The following KANSL1 variants were observed in gnomAD, a reference collection of about 807,000 sequenced individuals.
The protein encoded by KANSL1 is MLL1/MLL complex subunit KANSL1.
In KANSL1, 22 loss-of-function variants were observed where a neutral mutation model predicts 103.6. The observed-to-expected ratio is 0.21, with a 90% confidence interval of 0.15 to 0.30. The LOEUF (loss-of-function observed/expected upper bound fraction) is 0.30, where lower values mean the gene tolerates loss of function less well. Among genes scored for constraint, KANSL1 ranks in the 10% least tolerant of loss-of-function variants. The probability of loss-of-function intolerance (pLI) is 1.00; values close to 1 mark genes in which losing one functional copy is unlikely to be tolerated. For missense variants in KANSL1, 1,337 were observed against 1,399.8 expected (o/e 0.96, Z 0.72); for synonymous variants, 600 against 527.6 (o/e 1.14, Z -1.88).
At chr17:46,118,258 G>A (rs533277501) in intron 2 of KANSL1, among the ~76,000 whole-genome samples, 1 of 152,326 alleles carries the variant, frequency 6.6e-6, no homozygotes, top group Non-Finnish European at 1.5e-5. Context: ...AAAAAATTCA[G>A]TAAGTTGCCA....
chr17:46,072,972 T>TC (rs1411020732), intron 4 of KANSL1, among the ~76,000 whole-genome samples: 1 of 152,252 alleles, frequency 6.6e-6, no homozygotes, highest in Non-Finnish European at 1.5e-5. Context: ...AACTTATTTA[T>TC]CCATAGCCCA....
intron 6 of KANSL1, among the ~76,000 whole-genome samples, chr17:46,065,756 G>T (rs1478931402): frequency 6.6e-6 from 1 of 152,188 alleles, no homozygotes; most frequent in Non-Finnish European, 1.5e-5. Flanking sequence ...AAAGGCAACT[G>T]CTATTTGAAG....
At chr17:46,135,649 A>G (rs56373114) in intron 2 of KANSL1, among the ~76,000 whole-genome samples, 20,541 of 142,924 alleles carry the variant, frequency 0.14, 1,666 homozygotes, top group East Asian at 0.47. Flanking sequence ...GGCTCAAGCG[A>G]GCCTCCCAAG....
chr17:46,139,479 C>T (rs1472671206), intron 2 of KANSL1, among the ~76,000 whole-genome samples: 1 of 152,184 alleles, frequency 6.6e-6, no homozygotes, highest in Non-Finnish European at 1.5e-5. Flanking sequence ...CCACTACTCA[C>T]CCATCTAAAT....
At chr17:46,084,312 G>T (rs1212616514) in intron 3 of KANSL1, among the ~76,000 whole-genome samples, 1 of 152,054 alleles carries the variant, frequency 6.6e-6, no homozygotes, top group Admixed American at 6.6e-5. Flanking sequence ...AACTCAGGAG[G>T]CAGAGGTTGC....
chr17:46,138,575 G>C (rs1369323994), intron 2 of KANSL1, among the ~76,000 whole-genome samples: 1 of 152,228 alleles, frequency 6.6e-6, no homozygotes, highest in African/African-American at 2.4e-5. Flanking sequence ...AAGGATAACT[G>C]TATAATGCAA....
chr17:46,198,422 T>TTAAAAAAAAAAA (rs1567797004), upstream of KANSL1, among the ~76,000 whole-genome samples: 1 of 96,118 alleles, frequency 1.0e-5, no homozygotes, highest in Admixed American at 1.1e-4. Flanking sequence ...CTACTTTAAT[T>TTAAAAAAAAAAA]AAAAAAAAAA....
At chr17:46,091,991 G>A (rs530916983) in intron 3 of KANSL1, among the ~76,000 whole-genome samples, 1 of 152,158 alleles carries the variant, frequency 6.6e-6, no homozygotes, top group East Asian at 1.9e-4. Flanking sequence ...TAATTTTTTT[G>A]TATTTTTCAT....
chr17:46,150,146 C>T (rs899845635), intron 2 of KANSL1, among the ~76,000 whole-genome samples: 1 of 150,216 alleles, frequency 6.7e-6, no homozygotes, highest in African/African-American at 2.5e-5. Context: ...CTTCATTAAC[C>T]TTGGTCATTT....
At chr17:46,039,617 T>C in intron 8 of KANSL1, 85 bp downstream of exon 8, 1 of 1,449,930 alleles carries the variant, frequency 6.9e-7, no homozygotes, top group African/African-American at 1.4e-5. Flanking sequence ...AACCCCAACA[T>C]GCATGCAAAC....
At chr17:46,082,709 C>T (rs373090085) in intron 3 of KANSL1, among the ~76,000 whole-genome samples, 167 bp from the exon 4 acceptor site, 57 of 152,210 alleles carry the variant, frequency 3.7e-4, no homozygotes, top group African/African-American at 1.2e-3. Flanking sequence ...TCCCAAAGAG[C>T]TATTTCAACA....
chr17:46,171,272 T>C lies in KANSL1; in HGVS notation c.872A>G (p.Gln291Arg). The part of the protein sequence containing the change: ...DTRITALLRR[Q>R]ADIESRARRL... ...GCGGGCACGGCTCTCAATGTCAGCC[T>C]GTCGCCGCAGTAAAGCTGTTATCCT... Residue 291 changes from glutamine to arginine, a missense_variant, in exon 2 of 15, where the codon CAG (glutamine) becomes CGG (arginine). By Grantham distance (43) the Gln-to-Arg change is conservative. Coordinates refer to ENST00000432791, the MANE Select transcript of KANSL1 (RefSeq NM_015443.4). 6.2e-7 allele frequency: 1 copy of C among 1,614,158 alleles called. No individual in the cohort carries two copies. Among genetic ancestry groups the C allele is most frequent in the South Asian group, 1.1e-5 (1 of 91,084 alleles).
At chr17:46,053,390 TTTAAA>T (rs1276753648) in intron 6 of KANSL1, among the ~76,000 whole-genome samples, 1 of 152,168 alleles carries the variant, frequency 6.6e-6, no homozygotes, top group Non-Finnish European at 1.5e-5. Context: ...TAATCTCACT[TTTAAA>T]TTAAAAACTG....
intron 2 of KANSL1, among the ~76,000 whole-genome samples, chr17:46,118,753 G>A (rs970475047): frequency 3.9e-5 from 6 of 152,214 alleles, no homozygotes; most frequent in African/African-American, 7.2e-5. Flanking sequence ...GGGAGGCAAG[G>A]AAGAGTAGAA....
chr17:46,036,360 A>C lies in KANSL1; in HGVS notation c.2542-2075T>G, dbSNP rs185016290. ...CAGTGTCCTCTGGCTTCTTTACTTGATTTCAAGGAGAGCTGGCCCTTTGTA... is the reference window on the plus strand; with the variant it reads ...CAGTGTCCTCTGGCTTCTTTACTTGCTTTCAAGGAGAGCTGGCCCTTTGTA... On this transcript the variant is annotated intron_variant, in intron 10 of 14. Transcript: ENST00000432791. Among the ~76,000 whole-genome samples, 554 of 152,262 alleles carry C rather than the reference A, an allele frequency of 3.6e-3. 14 individuals are homozygous for C. Among genetic ancestry groups the C allele is most frequent in the Non-Finnish European group, 1.0e-3 (70 of 68,022 alleles).
intron 6 of KANSL1, among the ~76,000 whole-genome samples, 182 bp from the exon 7 acceptor site, chr17:46,050,886 G>C (rs927369005): frequency 1.3e-5 from 2 of 152,174 alleles, no homozygotes; most frequent in African/African-American, 4.8e-5. Context: ...ATTTCCATTT[G>C]TCTAACACAC....
At position 46,089,398 on chromosome 17, in the gene KANSL1, C is replaced by CTTTT. The variant is rs377351806; in HGVS notation, c.1431+5158_1431+5161dup. Among the ~76,000 whole-genome samples, 84 of 145,380 alleles carry CTTTT rather than the reference C, an allele frequency of 5.8e-4. 1 individual carries two copies. The highest frequency in any genetic ancestry group is 1.4e-3 in the African/African-American group (56 of 39,382). Reference sequence around the variant, plus strand: ...AATCACCTAGCAGTAGTCACAAATACTTTTTTTTTTTTTGGTAATACGCCA... The same window carrying CTTTT: ...AATCACCTAGCAGTAGTCACAAATACTTTTTTTTTTTTTTTTTGGTAATACGCCA... On this transcript the variant is annotated intron_variant, in intron 3 of 14. Transcript: ENST00000432791.
intron 2 of KANSL1, among the ~76,000 whole-genome samples, chr17:46,106,139 T>C (rs1457624697): frequency 2.0e-5 from 3 of 152,216 alleles, no homozygotes; most frequent in Non-Finnish European, 4.4e-5. Context: ...ATACGGTTTA[T>C]TGGAAAAGAG....
chr17:46,143,803 CAAAAAAAAAAAAA>C lies in KANSL1; in HGVS notation c.1289+27039_1289+27051del, dbSNP rs57361021. 7.0e-5 allele frequency among the ~76,000 whole-genome samples: 6 copies of C among 85,534 alleles called. No individual in the cohort carries two copies. In the East Asian group the frequency reaches 1.4e-3, roughly 20 times the overall value. The allele number at this position is 85,534 out of a possible 152,430, so 56.1% of individuals were successfully genotyped here. A position where few individuals can be genotyped will look rare whatever the true frequency, so the allele number is the denominator to read the frequency against. On this transcript the variant is annotated intron_variant, in intron 2 of 14. Coordinates refer to ENST00000432791, the MANE Select transcript of KANSL1 (RefSeq NM_015443.4). ...TGGGCGACAGAGCGAGACTCCATCTCAAAAAAAAAAAAAAAAAAAAAAAAAGAAGTTGTTATCT... is the reference window on the plus strand; with the variant it reads ...TGGGCGACAGAGCGAGACTCCATCTCAAAAAAAAAAAAGAAGTTGTTATCT...
Sources: gnomAD v4.1 joint callset for allele counts (sites outside exome capture counted in the v4.1 genomes callset) on GRCh38, gnomAD v4.1.1 for gene constraint, MANE v1.5 for transcripts, NCBI Gene and HGNC (gene_info 2026-07-23, HGNC 2026-07-21) for gene names.